YME1L1: variants seen among roughly 807,000 people sequenced by gnomAD.
The protein encoded by YME1L1 is ATP-dependent zinc metalloprotease YME1L1.
Under a neutral mutation model 90.4 loss-of-function variants are expected in YME1L1, and 39 were observed. The observed-to-expected ratio is 0.43, with a 90% CI of 0.33 to 0.56. YME1L1 has a LOEUF of 0.56. Ranked by LOEUF, YME1L1 falls within the 20% of genes least tolerant of loss-of-function variation. YME1L1 has a pLI of 0.03. For synonymous variants in YME1L1, 284 were observed against 287.3 expected (o/e 0.99, Z 0.12); for missense variants, 617 against 868.4 (o/e 0.71, Z 3.64).
At chr10:27,115,005 T>C in intron 17 of YME1L1, among the ~76,000 whole-genome samples, 1 of 148,202 alleles carries the variant, frequency 6.7e-6, no homozygotes, top group South Asian at 2.1e-4. Context: ...CCAGCCTAGG[T>C]GACAGAGCGA....
At chr10:27,119,732 C>A (rs888348877) in intron 13 of YME1L1, among the ~76,000 whole-genome samples, 4 of 151,928 alleles carry the variant, frequency 2.6e-5, no homozygotes, top group Admixed American at 6.6e-5. Flanking sequence ...TCACTTGAAC[C>A]CGGGAGGTGG....
intron 8 of YME1L1, among the ~76,000 whole-genome samples, chr10:27,127,876 G>C (rs1030088263): frequency 2.0e-5 from 3 of 152,078 alleles, no homozygotes; most frequent in Admixed American, 6.6e-5. Flanking sequence ...AAAAGACTTG[G>C]CTGGTTTATT....
At chr10:27,133,086 C>T (rs7921980) in intron 7 of YME1L1, among the ~76,000 whole-genome samples, 36,959 of 151,996 alleles carry the variant, frequency 0.24, 5,085 homozygotes, top group East Asian at 0.56. Context: ...CACTTTGAAA[C>T]ACATTGCCTT....
At chr10:27,152,529 TA>T in intron 1 of YME1L1, among the ~76,000 whole-genome samples, 1 of 152,224 alleles carries the variant, frequency 6.6e-6, no homozygotes, top group South Asian at 2.1e-4. Flanking sequence ...CAGTTGATGG[TA>T]AATTCTCCTA....
intron 1 of YME1L1, among the ~76,000 whole-genome samples, chr10:27,151,634 C>T (rs1299074306): frequency 6.6e-6 from 1 of 151,902 alleles, no homozygotes; most frequent in African/African-American, 2.4e-5. Context: ...GTAATCCCAG[C>T]ACTCTGGGAG....
intron 3 of YME1L1, among the ~76,000 whole-genome samples, chr10:27,143,252 T>C (rs2057108374): frequency 6.7e-6 from 1 of 150,256 alleles, no homozygotes; most frequent in East Asian, 2.0e-4. Flanking sequence ...GCCTGTAATC[T>C]CAGCTACTCA....
chr10:27,121,456 G>T lies in YME1L1; in HGVS notation c.1236-8C>A. Reference sequence around the variant, plus strand: ...CCTTCATTGGGTTTAAAACTATATTGGAAAAAAAATAGTATCTTTTACTAA... The same window carrying T: ...CCTTCATTGGGTTTAAAACTATATTTGAAAAAAAATAGTATCTTTTACTAA... On this transcript the variant is annotated splice_region_variant and splice_polypyrimidine_tract_variant and intron_variant, in intron 11 of 18. Coordinates refer to ENST00000376016, the MANE Select transcript of YME1L1 (RefSeq NM_014263.4). 6.4e-7 allele frequency: 1 copy of T among 1,569,450 alleles called. No individual in the cohort carries two copies. Among genetic ancestry groups the T allele is most frequent in the South Asian group, 1.1e-5 (1 of 90,056 alleles).
chr10:27,128,158 T>C (rs2056939899), intron 8 of YME1L1, among the ~76,000 whole-genome samples: 1 of 152,208 alleles, frequency 6.6e-6, no homozygotes, highest in African/African-American at 2.4e-5. Context: ...TAAGGCTATA[T>C]ATATAAGTGT....
chr10:27,128,741 C>T (rs11015557), intron 8 of YME1L1, among the ~76,000 whole-genome samples: 44,497 of 150,428 alleles, frequency 0.3, 7,673 homozygotes, highest in East Asian at 0.43. Flanking sequence ...CCCGACTCTA[C>T]AAAAAAAAAC....
chr10:27,154,043 T>C, intron 1 of YME1L1, 135 bp downstream of exon 1: 1 of 1,205,972 alleles, frequency 8.3e-7, no homozygotes, highest in Non-Finnish European at 1.2e-6. Flanking sequence ...GATCCACTCC[T>C]CAATCCTGGG....
chr10:27,121,357 CT>C, intron 12 of YME1L1, 28 bp downstream of exon 12: 1 of 1,534,136 alleles, frequency 6.5e-7, no homozygotes, highest in Non-Finnish European at 9.0e-7. Context: ...TGTAACAGTA[CT>C]TCACAAAAAT....
intron 1 of YME1L1, among the ~76,000 whole-genome samples, chr10:27,151,306 T>C (rs933383018): frequency 1.3e-5 from 2 of 152,202 alleles, no homozygotes; most frequent in African/African-American, 4.8e-5. Flanking sequence ...TTCCAGTGTT[T>C]ATCTCCTTCA....
In YME1L1 at chr10:27,121,372, C is replaced by A. The variant is rs1438548011; in HGVS notation, c.1298+14G>T. 6.3e-7 allele frequency: 1 copy of A among 1,586,296 alleles called. No homozygotes were observed. ...TGTAACAGTACTTCACAAAAATCTT[C>A]TTTTAATACTTACTTATCTAATGCC... On this transcript the variant is annotated intron_variant, in intron 12 of 18. Coordinates refer to ENST00000376016, the MANE Select transcript of YME1L1 (RefSeq NM_014263.4).
At chr10:27,145,311 A>T in intron 3 of YME1L1, 117 bp downstream of exon 3, 1 of 874,520 alleles carries the variant, frequency 1.1e-6, no homozygotes, top group Non-Finnish European at 1.6e-6. Context: ...CAAAAAAAAA[A>T]CACTTCAGGA....
intron 1 of YME1L1, among the ~76,000 whole-genome samples, chr10:27,149,698 G>A (rs1214050864): frequency 1.8e-5 from 2 of 112,328 alleles, no homozygotes; most frequent in Non-Finnish European, 3.4e-5. Context: ...GCAACAGGGT[G>A]AGACCTGTCT....
intron 7 of YME1L1, among the ~76,000 whole-genome samples, chr10:27,132,826 A>C (rs1317976464): frequency 1.3e-5 from 2 of 152,180 alleles, no homozygotes; most frequent in East Asian, 3.9e-4. Flanking sequence ...TCTCAAAAAA[A>C]ATAAATGAAA....
At chr10:27,136,660 A>G (rs1189448275) in intron 4 of YME1L1, among the ~76,000 whole-genome samples, 5 of 151,926 alleles carry the variant, frequency 3.3e-5, no homozygotes, top group African/African-American at 1.2e-4. Flanking sequence ...TATCATGCCC[A>G]GCTTATAGTT....
intron 14 of YME1L1, among the ~76,000 whole-genome samples, chr10:27,118,589 C>T (rs2056836692): frequency 6.6e-6 from 1 of 152,176 alleles, no homozygotes; most frequent in South Asian, 2.1e-4. Flanking sequence ...CACGCCCAGT[C>T]TACAAAGTTT....
intron 15 of YME1L1, among the ~76,000 whole-genome samples, chr10:27,117,288 C>A (rs1446939360): frequency 2.6e-5 from 4 of 152,184 alleles, no homozygotes; most frequent in Admixed American, 2.6e-4. Context: ...AAGAATTAGG[C>A]AGGGCATGGT....
Sources: allele counts gnomAD v4.1 joint callset (sites outside exome capture counted in the v4.1 genomes callset), GRCh38; gene constraint gnomAD v4.1.1; transcripts MANE v1.5; gene names NCBI Gene and HGNC (gene_info 2026-07-23, HGNC 2026-07-21).